The following RABGAP1L variants were observed in gnomAD, a reference collection of about 807,000 sequenced individuals.
The protein encoded by RABGAP1L is rab GTPase-activating protein 1-like.
In RABGAP1L, 63 loss-of-function variants were observed where a neutral mutation model predicts 137.7. The ratio of observed to expected loss-of-function variants is 0.46; its 90% CI spans 0.37 to 0.56. The LOEUF (loss-of-function observed/expected upper bound fraction) is 0.56, where lower values mean the gene tolerates loss of function less well. Among genes scored for constraint, RABGAP1L ranks in the 20% least tolerant of loss-of-function variants. The probability of loss-of-function intolerance (pLI) is 0.00; values close to 1 mark genes in which losing one functional copy is unlikely to be tolerated. For synonymous variants in RABGAP1L, 431 were observed against 433.7 expected (o/e 0.99, Z 0.08); for missense variants, 1,095 against 1,244.0 (o/e 0.88, Z 1.80).
chr1:174,837,201 C>T (rs1013898868), intron 19 of RABGAP1L, among the ~76,000 whole-genome samples: 6 of 119,688 alleles, frequency 5.0e-5, no homozygotes, highest in African/African-American at 1.5e-4. Context: ...GAGCAAAACT[C>T]GGTCTCAAAA....
At chr1:174,623,058 A>G (rs1672657539) in intron 13 of RABGAP1L, among the ~76,000 whole-genome samples, 2 of 152,272 alleles carry the variant, frequency 1.3e-5, no homozygotes, top group South Asian at 2.1e-4. Context: ...ATTTTTCACA[A>G]CCTCAGTGAA....
chr1:174,612,271 G>T (rs1161919132), intron 13 of RABGAP1L, among the ~76,000 whole-genome samples: 2 of 152,180 alleles, frequency 1.3e-5, no homozygotes, highest in Non-Finnish European at 2.9e-5. Context: ...ATGAAGCATT[G>T]TTGAATTTTG....
intron 19 of RABGAP1L, among the ~76,000 whole-genome samples, chr1:174,863,241 A>AAAAAAG (rs1553267202): frequency 1.3e-5 from 2 of 148,502 alleles, no homozygotes; most frequent in African/African-American, 2.5e-5. Flanking sequence ...AGCAAAAAAA[A>AAAAAAG]AAAAAAAGAA....
intron 17 of RABGAP1L, among the ~76,000 whole-genome samples, chr1:174,719,319 A>T (rs1465941310): frequency 6.6e-6 from 1 of 152,208 alleles, no homozygotes; most frequent in Non-Finnish European, 1.5e-5. Flanking sequence ...GATAAACCTG[A>T]ATTACATGTT....
intron 15 of RABGAP1L, among the ~76,000 whole-genome samples, chr1:174,686,185 T>G (rs765604607): frequency 6.6e-6 from 1 of 152,130 alleles, no homozygotes; most frequent in Non-Finnish European, 1.5e-5. Flanking sequence ...TTTTTTGAGG[T>G]TTAGCATTCT....
chr1:174,960,087 C>G (rs572260863), intron 20 of RABGAP1L, among the ~76,000 whole-genome samples: 1 of 152,290 alleles, frequency 6.6e-6, no homozygotes, highest in Admixed American at 6.5e-5. Context: ...AGTTCAGTAA[C>G]AACCCCTCCT....
At chr1:174,891,776 A>T (rs990603906) in intron 19 of RABGAP1L, among the ~76,000 whole-genome samples, 3 of 152,142 alleles carry the variant, frequency 2.0e-5, no homozygotes, top group African/African-American at 7.2e-5. Flanking sequence ...AAGTGCTGGG[A>T]TTATAGGTGT....
At chr1:174,217,834 A>T (rs1686208657) in intron 1 of RABGAP1L, among the ~76,000 whole-genome samples, 1 of 152,182 alleles carries the variant, frequency 6.6e-6, no homozygotes, top group Admixed American at 6.5e-5. Context: ...TTTTTAAAAG[A>T]TACACATGTA....
At chr1:174,755,662 C>A (rs1684688773) in intron 18 of RABGAP1L, among the ~76,000 whole-genome samples, 1 of 152,088 alleles carries the variant, frequency 6.6e-6, no homozygotes, top group South Asian at 2.1e-4. Flanking sequence ...CATGCTTTGG[C>A]CTATGGTTAT....
chr1:174,274,418 G>A (rs997365228), intron 8 of RABGAP1L, among the ~76,000 whole-genome samples: 2 of 152,096 alleles, frequency 1.3e-5, no homozygotes, highest in African/African-American at 4.8e-5. Context: ...AAATGGTATT[G>A]TTATAGTTGC....
intron 17 of RABGAP1L, among the ~76,000 whole-genome samples, chr1:174,732,221 T>A (rs1682546537): frequency 6.6e-6 from 1 of 150,518 alleles, no homozygotes; most frequent in Non-Finnish European, 1.5e-5. Context: ...AAACATGGAT[T>A]GTTAGACTTG....
At chr1:174,812,529 C>T (rs768341426) in intron 19 of RABGAP1L, among the ~76,000 whole-genome samples, 1 of 152,142 alleles carries the variant, frequency 6.6e-6, no homozygotes, top group Non-Finnish European at 1.5e-5. Flanking sequence ...ATATTTGGAA[C>T]CAATTTACTG....
At position 174,252,460 on chromosome 1, in the gene RABGAP1L, A is replaced by G; in HGVS notation, c.876-20A>G. ...TTTTATTAGATTATTGGTAATTCCTATTCCTTTTGAATATTTCAGCCCTGT... is the reference window on the plus strand; with the variant it reads ...TTTTATTAGATTATTGGTAATTCCTGTTCCTTTTGAATATTTCAGCCCTGT... On this transcript the variant is annotated intron_variant, in intron 6 of 25. Transcript: ENST00000681986. 1 of 1,603,312 alleles carries G rather than the reference A, an allele frequency of 6.2e-7. No individual in the cohort carries two copies.
intron 5 of RABGAP1L, among the ~76,000 whole-genome samples, chr1:174,243,690 C>G (rs1672021307): frequency 3.3e-5 from 5 of 152,294 alleles, no homozygotes; most frequent in African/African-American, 1.2e-4. Flanking sequence ...TTATGTTTCT[C>G]TTTGCCTGGA....
intron 11 of RABGAP1L, among the ~76,000 whole-genome samples, chr1:174,316,241 T>G (rs1238266119): frequency 6.6e-6 from 1 of 152,222 alleles, no homozygotes; most frequent in Non-Finnish European, 1.5e-5. Flanking sequence ...TGGTCCCTGG[T>G]GTCTTATTGA....
intron 19 of RABGAP1L, among the ~76,000 whole-genome samples, chr1:174,839,729 C>T (rs953062742): frequency 2.0e-5 from 3 of 152,204 alleles, no homozygotes; most frequent in African/African-American, 7.2e-5. Context: ...TGGTGTGCCT[C>T]ACCAATTCCC....
intron 5 of RABGAP1L, among the ~76,000 whole-genome samples, chr1:174,242,652 T>C (rs1216087710): frequency 6.6e-6 from 1 of 152,214 alleles, no homozygotes; most frequent in East Asian, 1.9e-4. Flanking sequence ...TCAGTTTGCT[T>C]TACACTAAAC....
At chr1:174,497,530 C>T (rs139274205) in intron 13 of RABGAP1L, among the ~76,000 whole-genome samples, 100 of 152,318 alleles carry the variant, frequency 6.6e-4, no homozygotes, top group Non-Finnish European at 1.1e-3. Context: ...TTCTCCCCCA[C>T]TCCCTTGTCC....
chr1:174,486,512 A>G (rs1435792705), intron 13 of RABGAP1L, among the ~76,000 whole-genome samples: 1 of 151,682 alleles, frequency 6.6e-6, no homozygotes, highest in Non-Finnish European at 1.5e-5. Flanking sequence ...ACACCCAGCT[A>G]ATTTTTCGTA....
Sources: allele counts gnomAD v4.1 joint callset (sites outside exome capture counted in the v4.1 genomes callset), GRCh38; gene constraint gnomAD v4.1.1; transcripts MANE v1.5; gene names NCBI Gene and HGNC (gene_info 2026-07-23, HGNC 2026-07-21).